Variants in AGAP1 observed in about 807,000 individuals in gnomAD.
AGAP1 encodes ArfGAP with GTPase domain, ankyrin repeat and PH domain 1, also known as arf-GAP with GTPase, ANK repeat and PH domain-containing protein 1.
In AGAP1, 29 loss-of-function variants were observed where a neutral mutation model predicts 105.3. The observed-to-expected ratio is 0.28, with a 90% confidence interval of 0.21 to 0.38. The LOEUF is 0.38. Ranked by LOEUF, AGAP1 falls within the 10% of genes least tolerant of loss-of-function variation. The pLI is 1.00. For missense variants in AGAP1, 998 were observed against 1,165.1 expected, an observed-to-expected ratio of 0.86 and a Z score of 2.09; for synonymous variants, 509 against 485.9, an observed-to-expected ratio of 1.05 and a Z score of -0.63.
rs1257996109 is a variant in AGAP1 at position 235,951,772 on chromosome 2, C to T, written c.1484-16690C>T. Among the ~76,000 whole-genome samples the T allele has an allele frequency of 6.6e-6, 1 of 152,170 alleles. No homozygotes were observed. Among genetic ancestry groups the T allele is most frequent in the Non-Finnish European group, 1.5e-5 (1 of 68,036 alleles). Reference sequence around the variant, plus strand: ...GGAGCCTTGGGCTGCAGATGAGTTACACCACACCAGTCTCCCAGTCCCATC... The same window carrying T: ...GGAGCCTTGGGCTGCAGATGAGTTATACCACACCAGTCTCCCAGTCCCATC... On this transcript the variant is annotated intron_variant, in intron 12 of 17. Coordinates refer to ENST00000304032, the MANE Select transcript of AGAP1 (RefSeq NM_001037131.3). The surrounding 1 kb of genome is among the most constrained non-coding windows in gnomAD (Gnocchi z 4.2).
rs746186337 is a variant in AGAP1 at position 236,120,463 on chromosome 2, G to T, written c.2370+16G>T. 7.5e-6 allele frequency: 12 copies of T among 1,610,706 alleles called. No homozygotes were observed. The highest frequency in any genetic ancestry group is 1.7e-5 in the Admixed American group (1 of 59,964). ...CCTGATCTGGGTAGGTGGTCGGCAC[G>T]CCTGGCAGAGGACGGGGCCACAGGA... On this transcript the variant is annotated intron_variant, in intron 17 of 17. Transcript: ENST00000304032. This position sits in a 1 kb window ranked among gnomAD's most constrained non-coding sequence, Gnocchi z 6.0.
chr2:235,971,784 T>G lies in AGAP1; in HGVS notation c.1645+3161T>G, dbSNP rs141172558. Among the ~76,000 whole-genome samples, 879 of 148,246 alleles carry G rather than the reference T, an allele frequency of 5.9e-3. 10 individuals are homozygous for G. Among genetic ancestry groups the G allele is most frequent in the African/African-American group, 0.021 (842 of 40,296 alleles). ...TTATTTATTTATTTATTTATTTATT[T>G]ATTGTATTTTTTGAGACAGGTCCTC... is the stretch of plus-strand genomic sequence containing the variant. On this transcript the variant is annotated intron_variant, in intron 13 of 17. Transcript: ENST00000304032. This position sits in a 1 kb window ranked among gnomAD's most constrained non-coding sequence, Gnocchi z 4.8.
rs1946954648 is a variant in AGAP1 at position 235,635,153 on chromosome 2, G to C, written c.164-74026G>C. ...GTGGTATAAGTAGAAAGAGCAGCTG[G>C]ACTTAGAGACAGGCGTCCTGAGTGT... On this transcript the variant is annotated intron_variant, in intron 1 of 17. Transcript: ENST00000304032. The surrounding 1 kb of genome is among the most constrained non-coding windows in gnomAD (Gnocchi z 5.3). Among the ~76,000 whole-genome samples the C allele has an allele frequency of 1.3e-5, 2 of 152,160 alleles. No homozygotes were observed. The highest frequency in any genetic ancestry group is 1.3e-4 in the Admixed American group (2 of 15,258).
rs948372352 is a variant in AGAP1, at chr2:235,958,588, A to T, written c.1484-9874A>T. 2.0e-5 allele frequency among the ~76,000 whole-genome samples: 3 copies of T among 152,188 alleles called. No individual in the cohort carries two copies. The highest frequency in any genetic ancestry group is 2.0e-4 in the Admixed American group (3 of 15,282). ...ATGGTTCATCAAAAATTGCCCAGCT[A>T]ATGATCGGCTGGGCAGATAATCGGA... is the stretch of plus-strand genomic sequence containing the variant. On this transcript the variant is annotated intron_variant, in intron 12 of 17. Transcript: ENST00000304032. This position sits in a 1 kb window ranked among gnomAD's most constrained non-coding sequence, Gnocchi z 4.1.
chr2:235,970,571 T>G lies in AGAP1; in HGVS notation c.1645+1948T>G, dbSNP rs1388032948. On this transcript the variant is annotated intron_variant, in intron 13 of 17. Transcript: ENST00000304032. This position sits in a 1 kb window ranked among gnomAD's most constrained non-coding sequence, Gnocchi z 5.4. ...GTTCTCACTTTCACAGGCACGCGTCTTCTTGCATTTGTTGTGTGTTTCCAA... is the reference window on the plus strand; with the variant it reads ...GTTCTCACTTTCACAGGCACGCGTCGTCTTGCATTTGTTGTGTGTTTCCAA... 1.3e-5 allele frequency among the ~76,000 whole-genome samples: 2 copies of G among 152,216 alleles called. No homozygotes were observed. The highest frequency in any genetic ancestry group is 2.4e-5 in the African/African-American group (1 of 41,458).
At chr2:235,706,711 A>G (rs746554577) in intron 1 of AGAP1, among the ~76,000 whole-genome samples, 1 of 152,200 alleles carries the variant, frequency 6.6e-6, no homozygotes, top group Admixed American at 6.5e-5. Flanking sequence ...CTATATCCAC[A>G]GTTACTTAAC....
intron 1 of AGAP1, among the ~76,000 whole-genome samples, chr2:235,541,448 C>T (rs1473088884): frequency 2.2e-5 from 3 of 135,574 alleles, no homozygotes; most frequent in Admixed American, 9.0e-5. Context: ...AGTGCAGTGG[C>T]GCGATCTCGG....
chr2:235,561,892 T>A (rs1944164492), intron 1 of AGAP1, among the ~76,000 whole-genome samples: 1 of 152,214 alleles, frequency 6.6e-6, no homozygotes, highest in Admixed American at 6.5e-5. Context: ...CAGTTGGACT[T>A]CTGTCATATT....
At chr2:235,527,689 A>G (rs1404973141) in intron 1 of AGAP1, among the ~76,000 whole-genome samples, 4 of 152,136 alleles carry the variant, frequency 2.6e-5, no homozygotes, top group Non-Finnish European at 5.9e-5. Flanking sequence ...CTCCTGGCCT[A>G]CTTTAAACAT....
At position 235,888,566 on chromosome 2, in the gene AGAP1, TG is replaced by T. The variant is rs2050376504; in HGVS notation, c.1155+5119del. Among the ~76,000 whole-genome samples the T allele has an allele frequency of 6.6e-6, 1 of 152,084 alleles. No homozygotes were observed. The highest frequency in any genetic ancestry group is 2.1e-4 in the South Asian group (1 of 4,824). ...AACAAATAAAAAAGTGAGCCAGGTG[TG>T]GTGGAGCACACCTGTAGTCCCAGCT... is the stretch of plus-strand genomic sequence containing the variant. On this transcript the variant is annotated intron_variant, in intron 10 of 17. Coordinates refer to ENST00000304032, the MANE Select transcript of AGAP1 (RefSeq NM_001037131.3). This position sits in a 1 kb window ranked among gnomAD's most constrained non-coding sequence, Gnocchi z 4.8.
intron 5 of AGAP1, among the ~76,000 whole-genome samples, chr2:235,749,403 T>C (rs1953240317): frequency 6.6e-6 from 1 of 151,910 alleles, no homozygotes; most frequent in Admixed American, 6.6e-5. Flanking sequence ...GCTCAGTTTC[T>C]TTTTTAGGAA....
chr2:235,540,186 T>C (rs1304074956), intron 1 of AGAP1, among the ~76,000 whole-genome samples: 2 of 149,436 alleles, frequency 1.3e-5, no homozygotes, highest in Admixed American at 1.3e-4. Flanking sequence ...AGTCTTACTC[T>C]GTTGCCCAGG....
chr2:235,748,157 G>A (rs1364842263), intron 5 of AGAP1, among the ~76,000 whole-genome samples: 1 of 152,254 alleles, frequency 6.6e-6, no homozygotes, highest in African/African-American at 2.4e-5. Context: ...AATGAGACAG[G>A]TATAGAACCG....
rs150916379 is a variant in AGAP1 at position 235,558,999 on chromosome 2, T to C, written c.163+64150T>C. 3.7e-3 allele frequency among the ~76,000 whole-genome samples: 562 copies of C among 152,280 alleles called. 4 individuals carry two copies. The highest frequency in any genetic ancestry group is 0.012 in the African/African-American group (504 of 41,572). On this transcript the variant is annotated intron_variant, in intron 1 of 17. Transcript: ENST00000304032. ...GTACGGTGGTGTGATCTCTGCTCAC[T>C]GCAGCCTTCGCCTCCCAGGCTCAAG...
intron 10 of AGAP1, among the ~76,000 whole-genome samples, chr2:235,903,412 T>C (rs528838288): frequency 1.3e-5 from 2 of 152,334 alleles, no homozygotes; most frequent in South Asian, 2.1e-4. Flanking sequence ...GCCAATCATA[T>C]AGTGTATGCA....
At chr2:235,947,670 A>T (rs555504147) in intron 12 of AGAP1, among the ~76,000 whole-genome samples, 80 of 152,232 alleles carry the variant, frequency 5.3e-4, no homozygotes, top group African/African-American at 1.9e-3. Flanking sequence ...AAAGGGAGGG[A>T]CTGTCTTGTT....
At chr2:236,030,933 G>A (rs991036039) in intron 13 of AGAP1, among the ~76,000 whole-genome samples, 1 of 152,156 alleles carries the variant, frequency 6.6e-6, no homozygotes, top group Non-Finnish European at 1.5e-5. Context: ...GATGAAAGTG[G>A]GAAGAGGGAG....
intron 1 of AGAP1, among the ~76,000 whole-genome samples, chr2:235,545,556 G>A (rs1943596427): frequency 6.6e-6 from 1 of 152,220 alleles, no homozygotes; most frequent in African/African-American, 2.4e-5. Flanking sequence ...CTCCGTTGCT[G>A]TTTCCCAGAG....
rs1559351246 is a variant in AGAP1, at chr2:235,686,660, TA to T, written c.164-22518del. Reference sequence around the variant, plus strand: ...ATATATATATAGATATATATATATATATATATTTTTTTTTTTTTTTAGACAG... The same window carrying T: ...ATATATATATAGATATATATATATATTATATTTTTTTTTTTTTTTAGACAG... On this transcript the variant is annotated intron_variant, in intron 1 of 17. Coordinates refer to ENST00000304032, the MANE Select transcript of AGAP1 (RefSeq NM_001037131.3). Among the ~76,000 whole-genome samples the T allele has an allele frequency of 2.0e-3, 129 of 63,108 alleles. 3 individuals carry two copies. In the East Asian group the frequency reaches 0.025, roughly 12 times the overall value. The allele number at this position is 63,108 out of a possible 152,430, so 41.4% of individuals were successfully genotyped here.
Sources: gnomAD v4.1 joint callset for allele counts (sites outside exome capture counted in the v4.1 genomes callset) on GRCh38, gnomAD v4.1.1 for gene constraint, Gnocchi (gnomAD v3.1) non-coding constraint, MANE v1.5 for transcripts, NCBI Gene and HGNC (gene_info 2026-07-23, HGNC 2026-07-21) for gene names.